Variants in MBNL2 observed in about 807,000 individuals in gnomAD.
MBNL2 encodes muscleblind-like protein 2.
In MBNL2, 17 loss-of-function variants were observed where a neutral mutation model predicts 41.9. The observed-to-expected ratio is 0.41, with a 90% confidence interval of 0.28 to 0.61. The LOEUF (loss-of-function observed/expected upper bound fraction) is 0.61. Among genes scored for constraint, MBNL2 ranks in the 20% least tolerant of loss-of-function variants. The probability of loss-of-function intolerance (pLI) is 0.35; values close to 1 mark genes in which losing one functional copy is unlikely to be tolerated. For missense variants in MBNL2, 336 were observed against 505.6 expected, an observed-to-expected ratio of 0.66 and a Z score of 3.22; for synonymous variants, 195 against 182.9, an observed-to-expected ratio of 1.07 and a Z score of -0.53.
chr13:97,181,142 G>A, the MBNL2 span, among the ~76,000 whole-genome samples: 1 of 151,006 alleles, frequency 6.6e-6, no homozygotes, highest in South Asian at 2.1e-4. Context: ...ATCCCCTTCT[G>A]TGACCCTTCT....
At chr13:97,260,494 T>C (rs554413778) in intron 1 of MBNL2, among the ~76,000 whole-genome samples, 1 of 152,030 alleles carries the variant, frequency 6.6e-6, no homozygotes, top group Admixed American at 6.5e-5. Flanking sequence ...AGTAGACTGG[T>C]GAGGAGGCTT....
the MBNL2 span, among the ~76,000 whole-genome samples, chr13:97,162,666 G>C: frequency 6.6e-6 from 1 of 152,134 alleles, no homozygotes; most frequent in African/African-American, 2.4e-5. Context: ...AGTCATTATG[G>C]AAGAAAAAGA....
At chr13:97,389,050 A>G (rs573914391) in intron 8 of MBNL2, among the ~76,000 whole-genome samples, 4 of 151,576 alleles carry the variant, frequency 2.6e-5, no homozygotes, top group South Asian at 2.1e-4. Context: ...TGAGAGTTCA[A>G]TAGTCCCAGG....
rs957225615 is a variant in MBNL2, at chr13:97,334,094, T to C, written c.175-182T>C. 1.3e-5 allele frequency among the ~76,000 whole-genome samples: 2 copies of C among 151,992 alleles called. No individual in the cohort carries two copies. The highest frequency in any genetic ancestry group is 3.9e-4 in the East Asian group (2 of 5,176). The stretch of plus-strand genomic sequence containing the variant: ...TTAAGATTAGCAACCTTGATAATCA[T>C]GTAATGTTTGATTCACTTTTCCCCA... On this transcript the variant is annotated intron_variant, in intron 2 of 8. Transcript: ENST00000679496. The surrounding 1 kb of genome is among the most constrained non-coding windows in gnomAD (Gnocchi z 5.3).
At chr13:97,159,787 C>G in the MBNL2 span, among the ~76,000 whole-genome samples, 1 of 151,590 alleles carries the variant, frequency 6.6e-6, no homozygotes, top group African/African-American at 2.4e-5. Flanking sequence ...GATGGGCTTC[C>G]CTTTGAGGGT....
At chr13:97,210,435 G>A in the MBNL2 span, among the ~76,000 whole-genome samples, 1 of 152,056 alleles carries the variant, frequency 6.6e-6, no homozygotes, top group Non-Finnish European at 1.5e-5. Flanking sequence ...TTTTGAAAAC[G>A]GAGAGCCTGA....
rs147043203 is a variant in MBNL2 at position 97,303,699 on chromosome 13, C to T, written c.174+27290C>T. 3.1e-3 allele frequency among the ~76,000 whole-genome samples: 468 copies of T among 152,316 alleles called. 2 individuals carry two copies. Among genetic ancestry groups the T allele is most frequent in the African/African-American group, 0.01 (433 of 41,570 alleles). Reference sequence around the variant, plus strand: ...CCATTTTCTCAGGGGCTCCGTCTGACGGGTTATTGTTTTCCAATAAAGTAT... The same window carrying T: ...CCATTTTCTCAGGGGCTCCGTCTGATGGGTTATTGTTTTCCAATAAAGTAT... On this transcript the variant is annotated intron_variant, in intron 2 of 8. Coordinates refer to ENST00000679496, the MANE Select transcript of MBNL2 (RefSeq NM_001382683.1).
chr13:97,199,585 T>G, the MBNL2 span, among the ~76,000 whole-genome samples: 2 of 152,226 alleles, frequency 1.3e-5, no homozygotes, highest in Non-Finnish European at 2.9e-5. Flanking sequence ...ATTTAAAAAA[T>G]GCTGTGGGTA....
At chr13:97,201,632 T>G in the MBNL2 span, among the ~76,000 whole-genome samples, 1 of 152,222 alleles carries the variant, frequency 6.6e-6, no homozygotes, top group East Asian at 1.9e-4. Context: ...TTTTGGAGCT[T>G]TATCAGTAGA....
At chr13:97,206,398 G>A in the MBNL2 span, among the ~76,000 whole-genome samples, 1 of 152,102 alleles carries the variant, frequency 6.6e-6, no homozygotes, top group Non-Finnish European at 1.5e-5. Context: ...GGGAGTGGAA[G>A]GGAGGGGGAT....
At chr13:97,247,825 G>A (rs556888623) in intron 1 of MBNL2, among the ~76,000 whole-genome samples, 2 of 152,238 alleles carry the variant, frequency 1.3e-5, no homozygotes, top group Non-Finnish European at 2.9e-5. Context: ...TGCTCTACCT[G>A]TGAATTTTAC....
chr13:97,171,058 A>G, the MBNL2 span, among the ~76,000 whole-genome samples: 1 of 152,236 alleles, frequency 6.6e-6, no homozygotes, highest in Non-Finnish European at 1.5e-5. Flanking sequence ...CCAAAGTTGT[A>G]CAGTGGAAGT....
chr13:97,254,736 A>G (rs2047203194), intron 1 of MBNL2, among the ~76,000 whole-genome samples: 1 of 152,184 alleles, frequency 6.6e-6, no homozygotes, highest in Admixed American at 6.5e-5. Context: ...CTATAGCATA[A>G]ATTTTTAACA....
Position 97,366,978 on chromosome 13 carries a change from T to C in MBNL2, c.1048+1807T>C, listed in dbSNP as rs181248173. Among the ~76,000 whole-genome samples, 1 of 152,308 alleles carries C rather than the reference T, an allele frequency of 6.6e-6. No homozygotes were observed. Among genetic ancestry groups the C allele is most frequent in the East Asian group, 1.9e-4 (1 of 5,178 alleles). On this transcript the variant is annotated intron_variant, in intron 8 of 8. Coordinates refer to ENST00000679496, the MANE Select transcript of MBNL2 (RefSeq NM_001382683.1). This position sits in a 1 kb window ranked among gnomAD's most constrained non-coding sequence, Gnocchi z 4.7. Reference sequence around the variant, plus strand: ...AAAAATCTCCTCTTAGAAAGAGTCATATTTGAGGCCTAAGTGTCATATTTG... The same window carrying C: ...AAAAATCTCCTCTTAGAAAGAGTCACATTTGAGGCCTAAGTGTCATATTTG...
At chr13:97,297,548 A>G (rs2057183091) in intron 2 of MBNL2, among the ~76,000 whole-genome samples, 1 of 152,146 alleles carries the variant, frequency 6.6e-6, no homozygotes, top group African/African-American at 2.4e-5. Flanking sequence ...CTCTAACTCC[A>G]TGAAGCTGCC....
chr13:97,351,933 G>T (rs1409667834), intron 5 of MBNL2, among the ~76,000 whole-genome samples: 1 of 152,086 alleles, frequency 6.6e-6, no homozygotes, highest in Admixed American at 6.5e-5. Flanking sequence ...TGAGGCATGA[G>T]AATCGCTTGA....
intron 2 of MBNL2, among the ~76,000 whole-genome samples, chr13:97,301,969 G>A (rs191426540): frequency 6.6e-6 from 1 of 152,278 alleles, no homozygotes; most frequent in East Asian, 1.9e-4. Flanking sequence ...TTGGATACTT[G>A]CTCAGCTCTT....
rs1566423212 is a variant in MBNL2, at chr13:97,333,703, T to C, written c.175-573T>C. Among the ~76,000 whole-genome samples the C allele has an allele frequency of 2.0e-5, 3 of 152,320 alleles. No individual in the cohort carries two copies. The South Asian group carries it at 6.2e-4, about 32-fold the overall frequency. ...CTGGAACACACATTTAAAATTCTTA[T>C]TACTCTCTACTCCACAAATTTGTTA... On this transcript the variant is annotated intron_variant, in intron 2 of 8. Coordinates refer to ENST00000679496, the MANE Select transcript of MBNL2 (RefSeq NM_001382683.1).
intron 7 of MBNL2, among the ~76,000 whole-genome samples, chr13:97,360,104 C>T (rs2063284840): frequency 6.6e-6 from 1 of 152,176 alleles, no homozygotes; most frequent in South Asian, 2.1e-4. Flanking sequence ...ATTATTATAA[C>T]TTGGTACATA....
Sources: gnomAD v4.1 joint callset for allele counts (sites outside exome capture counted in the v4.1 genomes callset) on GRCh38, gnomAD v4.1.1 for gene constraint, Gnocchi (gnomAD v3.1) non-coding constraint, MANE v1.5 for transcripts, NCBI Gene and HGNC (gene_info 2026-07-23, HGNC 2026-07-21) for gene names.